Variants in NFIB observed in about 807,000 individuals in gnomAD.
NFIB encodes nuclear factor 1 B-type.
NFIB carries 11 observed loss-of-function variants against 61.5 expected under a neutral mutation model. The ratio of observed to expected loss-of-function variants is 0.18; its 90% confidence interval spans 0.11 to 0.30. NFIB has a LOEUF of 0.30. Among genes scored for constraint, NFIB ranks in the 10% least tolerant of loss-of-function variants. The pLI, the probability that NFIB is intolerant of heterozygous loss-of-function variation, is 1.00. For missense variants in NFIB, 471 were observed against 608.9 expected, an observed-to-expected ratio of 0.77 and a Z score of 2.38; for synonymous variants, 260 against 216.5, an observed-to-expected ratio of 1.20 and a Z score of -1.76.
the NFIB span, among the ~76,000 whole-genome samples, chr9:14,434,124 A>G: frequency 6.6e-6 from 1 of 152,204 alleles, no homozygotes; most frequent in Non-Finnish European, 1.5e-5. Context: ...AATATTTGGA[A>G]AGAGAAGCTG....
intron 2 of NFIB, among the ~76,000 whole-genome samples, chr9:14,242,603 A>G (rs2054476994): frequency 6.6e-6 from 1 of 152,230 alleles, no homozygotes; most frequent in Non-Finnish European, 1.5e-5. Context: ...GGAAGAAAGC[A>G]AGCACTGTCT....
At chr9:14,427,257 C>G in the NFIB span, among the ~76,000 whole-genome samples, 1 of 152,088 alleles carries the variant, frequency 6.6e-6, no homozygotes, top group African/African-American at 2.4e-5. Flanking sequence ...GTGTGGCATA[C>G]AATAATGGTA....
the NFIB span, among the ~76,000 whole-genome samples, chr9:14,492,575 G>A: frequency 6.6e-6 from 1 of 151,992 alleles, no homozygotes; most frequent in African/African-American, 2.4e-5. Flanking sequence ...AGGAAGAAGA[G>A]GGAGGGGGAA....
At chr9:14,205,743 G>A (rs905570222) in intron 2 of NFIB, among the ~76,000 whole-genome samples, 40 of 152,202 alleles carry the variant, frequency 2.6e-4, no homozygotes, top group African/African-American at 9.6e-4. Context: ...ACAAACTGGT[G>A]GTATTCATCA....
chr9:14,308,911 A>G (rs2060153218), intron 1 of NFIB, among the ~76,000 whole-genome samples: 1 of 152,196 alleles, frequency 6.6e-6, no homozygotes, highest in African/African-American at 2.4e-5. Context: ...TGATTTAGGT[A>G]AAACCTGTCT....
chr9:14,383,327 A>G (rs1019920567), intron 1 of NFIB, among the ~76,000 whole-genome samples: 5 of 152,162 alleles, frequency 3.3e-5, no homozygotes, highest in African/African-American at 1.2e-4. Flanking sequence ...CTAGTACACT[A>G]TTGATTATAT....
rs573359142 is a variant in NFIB at position 14,172,448 on chromosome 9, A to G, written c.616+7279T>C. On this transcript the variant is annotated intron_variant, in intron 3 of 10. Coordinates refer to ENST00000380953, the MANE Select transcript of NFIB (RefSeq NM_001190737.2). ...AACACCATGGAAAGGAAAGGAGGGG[A>G]AAAAAATTATACAATGTTAATACAA... 2.4e-4 allele frequency among the ~76,000 whole-genome samples: 36 copies of G among 151,272 alleles called. 1 individual carries two copies. The South Asian group carries it at 5.6e-3, about 24-fold the overall frequency.
At chr9:14,306,846 G>A in intron 2 of NFIB, 143 bp downstream of exon 2, 2 of 955,050 alleles carry the variant, frequency 2.1e-6, no homozygotes, top group Non-Finnish European at 3.1e-6. Context: ...ACATGTGAGT[G>A]AAAGCGGACA....
At chr9:14,379,431 A>G (rs10810133) in intron 1 of NFIB, among the ~76,000 whole-genome samples, 63,544 of 152,104 alleles carry the variant, frequency 0.42, 13,443 homozygotes, top group Middle Eastern at 0.48. Flanking sequence ...CAGCTGAGAC[A>G]TAAAAGACTA....
chr9:14,470,665 A>C, the NFIB span, among the ~76,000 whole-genome samples: 1 of 152,152 alleles, frequency 6.6e-6, no homozygotes, highest in Non-Finnish European at 1.5e-5. Flanking sequence ...GGCAATGATT[A>C]GCATCTTGTA....
intron 1 of NFIB, among the ~76,000 whole-genome samples, chr9:14,312,956 G>C (rs1251043550): frequency 6.6e-6 from 1 of 152,220 alleles, no homozygotes; most frequent in African/African-American, 2.4e-5. Context: ...TGGGTCCCCG[G>C]ACCACAACCT....
intron 2 of NFIB, among the ~76,000 whole-genome samples, chr9:14,299,714 CTTTAA>C (rs2059646967): frequency 6.6e-6 from 1 of 152,128 alleles, no homozygotes; most frequent in Non-Finnish European, 1.5e-5. Context: ...GTTCAGAGAT[CTTTAA>C]TTTGTCAGTG....
At position 14,241,305 on chromosome 9, in the gene NFIB, A is replaced by G. The variant is rs569634535; in HGVS notation, c.563-61525T>C. ...TAGGTAATAAGTAGATAAATAGACT[A>G]TATCAGTATCAACATCCATATCTAC... is the stretch of plus-strand genomic sequence containing the variant. On this transcript the variant is annotated intron_variant, in intron 2 of 10. Transcript: ENST00000380953. 2.2e-4 allele frequency among the ~76,000 whole-genome samples: 33 copies of G among 152,330 alleles called. No homozygotes were observed. The South Asian group carries it at 6.0e-3, about 28-fold the overall frequency.
intron 2 of NFIB, among the ~76,000 whole-genome samples, chr9:14,219,051 T>G (rs2131812375): frequency 6.6e-6 from 1 of 152,278 alleles, no homozygotes; most frequent in Admixed American, 6.5e-5. Flanking sequence ...TGCTGGCTCT[T>G]CATTAAGGGG....
At chr9:14,418,535 G>A in the NFIB span, among the ~76,000 whole-genome samples, 1,385 of 152,244 alleles carry the variant, frequency 9.1e-3, 15 homozygotes, top group African/African-American at 0.03. Flanking sequence ...GGAGAAGTGT[G>A]TGTGGTTTGC....
At chr9:14,125,562 C>T (rs2039536163) in intron 7 of NFIB, 70 bp downstream of exon 7, 4 of 1,572,740 alleles carry the variant, frequency 2.5e-6, no homozygotes, top group Non-Finnish European at 2.6e-6. Context: ...TAAACTTTTG[C>T]TCCGTCCCTA....
At position 14,307,323 on chromosome 9, in the gene NFIB, G is replaced by C. The variant is rs374032477; in HGVS notation, c.228C>G (p.Leu76=). Residue 76 remains leucine, a synonymous_variant, in exon 2 of 11, where the codon CTC becomes CTG. Transcript: ENST00000380953. The surrounding 1 kb of genome is among the most constrained non-coding windows in gnomAD (Gnocchi z 5.3). Reference sequence around the variant, plus strand: ...GAATATCTTTGCGCAGTTTGGCAAGGAGCCTGGATGCCCACTTCTGTTTGA... The same window carrying C: ...GAATATCTTTGCGCAGTTTGGCAAGCAGCCTGGATGCCCACTTCTGTTTGA... The part of the protein sequence containing the change: ...PEIKQKWASR[L]LAKLRKDIRQ... 1.3e-4 allele frequency: 215 copies of C among 1,613,938 alleles called. No individual in the cohort carries two copies. Among genetic ancestry groups the C allele is most frequent in the Non-Finnish European group, 1.7e-4 (203 of 1,180,002 alleles).
chr9:14,203,930 GA>G lies in NFIB; in HGVS notation c.563-24151del, dbSNP rs563129963. Among the ~76,000 whole-genome samples, 316 of 150,456 alleles carry G rather than the reference GA, an allele frequency of 2.1e-3. 1 individual carries two copies. The highest frequency in any genetic ancestry group is 2.2e-3 in the Non-Finnish European group (150 of 67,602). On this transcript the variant is annotated intron_variant, in intron 2 of 10. Coordinates refer to ENST00000380953, the MANE Select transcript of NFIB (RefSeq NM_001190737.2). ...TAAAGAAACTCATTTAATTTGTGGG[GA>G]AAAAAAAATGTTAAAAAAAACCTCA...
chr9:14,237,767 T>A (rs2053903563), intron 2 of NFIB, among the ~76,000 whole-genome samples: 1 of 19,498 alleles, frequency 5.1e-5, no homozygotes, highest in Non-Finnish European at 2.3e-4. Context: ...TATAACAGTG[T>A]GTGTGTGTGT....
Sources: gnomAD v4.1 joint callset for allele counts (sites outside exome capture counted in the v4.1 genomes callset) on GRCh38, gnomAD v4.1.1 for gene constraint, Gnocchi (gnomAD v3.1) non-coding constraint, MANE v1.5 for transcripts, NCBI Gene and HGNC (gene_info 2026-07-23, HGNC 2026-07-21) for gene names.